NNT: variants seen among roughly 807,000 people sequenced by gnomAD.
The protein encoded by NNT is NAD(P) transhydrogenase, mitochondrial.
In NNT, 50 loss-of-function variants were observed where a neutral mutation model predicts 104.8. The ratio of observed to expected loss-of-function variants is 0.48; its 90% CI spans 0.38 to 0.60. The LOEUF is 0.60. NNT is among the 20% of genes least tolerant of loss of function. NNT has a pLI of 0.00. For synonymous variants in NNT, 461 were observed against 490.4 expected (o/e 0.94, Z 0.79); for missense variants, 1,131 against 1,330.7 (o/e 0.85, Z 2.33).
Position 43,624,058 on chromosome 5 carries a change from T to A in NNT, c.714T>A (p.Ala238=). 1 of 1,614,210 alleles carries A rather than the reference T, an allele frequency of 6.2e-7. No individual in the cohort carries two copies. Among genetic ancestry groups the A allele is most frequent in the South Asian group, 1.1e-5 (1 of 91,084 alleles). Residue 238 remains alanine, a synonymous_variant, in exon 6 of 22, where the codon GCT becomes GCA. Transcript: ENST00000344920. ...AKILIVGGGV[A]GLASAGAAKS... is the part of the protein sequence containing the mutation. The stretch of plus-strand genomic sequence containing the variant: ...TTCTGATAGTTGGTGGTGGTGTTGC[T>A]GGGCTTGCTTCTGCAGGCGCAGCAA...
chr5:43,618,982 ATC>A, intron 4 of NNT, 48 bp from the exon 5 acceptor site: 1 of 1,112,818 alleles, frequency 9.0e-7, no homozygotes, highest in East Asian at 2.8e-5. Context: ...TGAGTCTGAG[ATC>A]TCTCCTTTTA....
At chr5:43,673,089 TG>T (rs1337988526) in intron 17 of NNT, among the ~76,000 whole-genome samples, 3 of 152,246 alleles carry the variant, frequency 2.0e-5, no homozygotes, top group Non-Finnish European at 4.4e-5. Flanking sequence ...GAGCCAGGCA[TG>T]GGCTATAATC....
intron 19 of NNT, among the ~76,000 whole-genome samples, chr5:43,684,045 A>T (rs899681996): frequency 3.9e-5 from 6 of 152,192 alleles, no homozygotes; most frequent in Non-Finnish European, 5.9e-5. Context: ...GATCCTTCTT[A>T]GGTGACAGCT....
chr5:43,675,408 TAAAC>T (rs2112095360), intron 17 of NNT, 99 bp from the exon 18 acceptor site: 3 of 1,065,314 alleles, frequency 2.8e-6, no homozygotes, highest in South Asian at 2.2e-5. Context: ...AATGATCAAA[TAAAC>T]CTTTTAAAAT....
In NNT at chr5:43,609,214, A is replaced by G. The variant is rs771854076; in HGVS notation, c.19A>G (p.Thr7Ala). 9 of 1,613,844 alleles carry G rather than the reference A, an allele frequency of 5.6e-6. No homozygotes were observed. In the South Asian group the frequency reaches 9.9e-5, roughly 18 times the overall value. MANLLK[T>A]VVTGCSCPLL... is the part of the protein sequence containing the mutation. ...TATCAACATGGCAAACCTATTGAAA[A>G]CAGTGGTGACTGGCTGCTCGTGTCC... Residue 7 changes from threonine (T) to alanine (A), a missense_variant, in exon 2 of 22, where the codon ACA (threonine) becomes GCA (alanine). By Grantham distance (58) the Thr-to-Ala change is moderately conservative. Coordinates refer to ENST00000344920, the MANE Select transcript of NNT (RefSeq NM_182977.3).
At chr5:43,685,518 C>G (rs924057230) in intron 19 of NNT, among the ~76,000 whole-genome samples, 8 of 151,994 alleles carry the variant, frequency 5.3e-5, no homozygotes, top group Non-Finnish European at 1.2e-4. Context: ...ATCCTTGTCA[C>G]TATTTATAAT....
intron 6 of NNT, among the ~76,000 whole-genome samples, chr5:43,627,990 G>T (rs948037509): frequency 6.6e-6 from 1 of 152,066 alleles, no homozygotes; most frequent in Non-Finnish European, 1.5e-5. Context: ...GGAATTCTCA[G>T]TAGTTTTTTT....
At chr5:43,678,331 G>A (rs1741527923) in intron 19 of NNT, among the ~76,000 whole-genome samples, 1 of 152,146 alleles carries the variant, frequency 6.6e-6, no homozygotes, top group East Asian at 1.9e-4. Flanking sequence ...TTCTTAAAGT[G>A]GTGTTTTACA....
intron 10 of NNT, among the ~76,000 whole-genome samples, chr5:43,646,158 G>C (rs944627724): frequency 6.6e-6 from 1 of 152,108 alleles, no homozygotes; most frequent in African/African-American, 2.4e-5. Context: ...TACATTTATT[G>C]ACTCAGTAAA....
intron 19 of NNT, among the ~76,000 whole-genome samples, chr5:43,683,669 T>G (rs866856277): frequency 6.6e-6 from 1 of 152,216 alleles, no homozygotes; most frequent in Admixed American, 6.5e-5. Context: ...ATTGAGCTCA[T>G]TAGCCATTGC....
rs1225174067 is a variant in NNT at position 43,704,582 on chromosome 5, A to C, written c.*178A>C. On this transcript the variant is annotated 3_prime_UTR_variant, in exon 22 of 22. Transcript: ENST00000344920. Reference sequence around the variant, plus strand: ...GATTTTTCAAAAGCAGTAATCCCTCAATTTTAAAAAAGGATTGAAAATTCT... The same window carrying C: ...GATTTTTCAAAAGCAGTAATCCCTCCATTTTAAAAAAGGATTGAAAATTCT... 5.8e-6 allele frequency: 3 copies of C among 515,336 alleles called. No homozygotes were observed. The highest frequency in any genetic ancestry group is 9.8e-6 in the Non-Finnish European group (3 of 305,920). The allele number at this position is 515,336 out of a possible 1,614,324, so 31.9% of individuals were successfully genotyped here. A position where few individuals can be genotyped will look rare whatever the true frequency, so the allele number is the denominator to read the frequency against.
chr5:43,676,684 A>C (rs1027659056), intron 18 of NNT, among the ~76,000 whole-genome samples: 4 of 152,214 alleles, frequency 2.6e-5, no homozygotes, highest in Admixed American at 2.6e-4. Flanking sequence ...AAAGGTGTAA[A>C]GATGTAGAGG....
At chr5:43,625,787 G>A (rs1374197137) in intron 6 of NNT, among the ~76,000 whole-genome samples, 2 of 151,996 alleles carry the variant, frequency 1.3e-5, no homozygotes, top group Admixed American at 1.3e-4. Flanking sequence ...AATAGTACAT[G>A]ATTATTCTTC....
At chr5:43,664,251 GTTTC>G (rs1740514988) in intron 17 of NNT, among the ~76,000 whole-genome samples, 1 of 152,160 alleles carries the variant, frequency 6.6e-6, no homozygotes, top group Non-Finnish European at 1.5e-5. Flanking sequence ...TGATTTTACA[GTTTC>G]TTTGTTTGTG....
rs760621682 is a variant in NNT at position 43,653,151 on chromosome 5, T to A, written c.1997T>A (p.Leu666Gln). 8 of 1,614,144 alleles carry A rather than the reference T, an allele frequency of 5.0e-6. No homozygotes were observed. In the South Asian group the frequency reaches 8.8e-5, roughly 18 times the overall value. The change falls in exon 14 of 22, where the codon CTA becomes CAA. Residue 666 changes from leucine to glutamine, a missense_variant. Transcript: ENST00000344920. ...GGACTGGCAGCCACCCTCGGAGTCC[T>A]AAAACCGGGCCCAGAATTACTAGCT... ...AGGLAATLGV[L>Q]KPGPELLAQM...
At chr5:43,651,942 T>C (rs770627021) in intron 13 of NNT, 58 bp downstream of exon 13, 1 of 1,534,946 alleles carries the variant, frequency 6.5e-7, no homozygotes, top group Non-Finnish European at 8.9e-7. Context: ...TCTATTAGAT[T>C]TAACATTGTT....
intron 19 of NNT, among the ~76,000 whole-genome samples, chr5:43,682,998 A>G (rs1162694054): frequency 6.6e-6 from 1 of 152,230 alleles, no homozygotes; most frequent in Admixed American, 6.5e-5. Flanking sequence ...ACACCAGAGA[A>G]CAGCTGTAAC....
intron 1 of NNT, among the ~76,000 whole-genome samples, chr5:43,605,522 CAAAAAAAAAAAAAAA>C (rs70997416): frequency 5.3e-5 from 2 of 37,762 alleles, no homozygotes; most frequent in Non-Finnish European, 4.6e-5. Flanking sequence ...GACTCCGTCT[CAAAAAAAAAAAAAAA>C]AAAAAAAAAA....
chr5:43,698,960 T>A (rs1742708294), intron 19 of NNT, among the ~76,000 whole-genome samples: 1 of 151,666 alleles, frequency 6.6e-6, no homozygotes, highest in Non-Finnish European at 1.5e-5. Context: ...ATTGAAGGTA[T>A]TTAGGCTGAG....
Sources: allele counts gnomAD v4.1 joint callset (sites outside exome capture counted in the v4.1 genomes callset), GRCh38; gene constraint gnomAD v4.1.1; transcripts MANE v1.5; gene names NCBI Gene and HGNC (gene_info 2026-07-23, HGNC 2026-07-21).